ZBTB20: variants seen among roughly 807,000 people sequenced by gnomAD.
The protein encoded by ZBTB20 is zinc finger and BTB domain-containing protein 20.
ZBTB20 carries 9 observed loss-of-function variants against 56.9 expected under a neutral mutation model. The observed-to-expected ratio is 0.16, with a 90% CI of 0.10 to 0.28. ZBTB20 has a LOEUF of 0.28. ZBTB20 is among the 10% of genes least tolerant of loss of function. The probability of loss-of-function intolerance (pLI) is 1.00; values close to 1 mark genes in which losing one functional copy is unlikely to be tolerated. For synonymous variants in ZBTB20, 417 were observed against 420.7 expected (o/e 0.99, Z 0.11); for missense variants, 655 against 1,003.0 (o/e 0.65, Z 4.69).
At chr3:114,669,691 T>C (rs1036002098) in intron 6 of ZBTB20, among the ~76,000 whole-genome samples, 7 of 151,964 alleles carry the variant, frequency 4.6e-5, no homozygotes, top group Non-Finnish European at 1.0e-4. Context: ...AGGACCAGTT[T>C]TTTTTCCTGT....
At chr3:114,407,911 A>G (rs921211031) in intron 7 of ZBTB20, among the ~76,000 whole-genome samples, 3 of 149,158 alleles carry the variant, frequency 2.0e-5, no homozygotes, top group African/African-American at 7.3e-5. Context: ...AACCTATATG[A>G]GGGGGGGGAA....
At chr3:115,088,856 ATTG>A (rs2083085771) in intron 1 of ZBTB20, among the ~76,000 whole-genome samples, 2 of 151,864 alleles carry the variant, frequency 1.3e-5, no homozygotes, top group African/African-American at 4.8e-5. Context: ...ATGCCATGAA[ATTG>A]TTGTGTTTCA....
At chr3:114,691,772 A>G (rs2062711311) in intron 6 of ZBTB20, among the ~76,000 whole-genome samples, 1 of 152,142 alleles carries the variant, frequency 6.6e-6, no homozygotes, top group Admixed American at 6.6e-5. Flanking sequence ...TCAAATGGTT[A>G]TTAATGATTG....
intron 6 of ZBTB20, among the ~76,000 whole-genome samples, chr3:114,583,370 T>G (rs1055872602): frequency 7.9e-5 from 12 of 152,230 alleles, no homozygotes; most frequent in African/African-American, 2.9e-4. Flanking sequence ...AAAAGATCAA[T>G]GGACTTTTTT....
intron 7 of ZBTB20, among the ~76,000 whole-genome samples, chr3:114,469,543 T>C (rs1370739375): frequency 6.6e-6 from 1 of 152,196 alleles, no homozygotes; most frequent in Non-Finnish European, 1.5e-5. Flanking sequence ...GGAGGTGGTA[T>C]TTGGCTATGT....
chr3:114,953,370 T>C (rs1193363307), intron 3 of ZBTB20, among the ~76,000 whole-genome samples: 1 of 150,492 alleles, frequency 6.6e-6, no homozygotes, highest in Non-Finnish European at 1.5e-5. Context: ...AATTCAAATG[T>C]AACAATAATT....
At chr3:114,393,566 A>T (rs1213464160) in intron 7 of ZBTB20, among the ~76,000 whole-genome samples, 2 of 152,110 alleles carry the variant, frequency 1.3e-5, no homozygotes, top group African/African-American at 2.4e-5. Flanking sequence ...ATTAATCAGA[A>T]CCACTGCATG....
chr3:115,120,448 T>C (rs1214960795), intron 1 of ZBTB20, among the ~76,000 whole-genome samples: 1 of 152,030 alleles, frequency 6.6e-6, no homozygotes, highest in Non-Finnish European at 1.5e-5. Flanking sequence ...CACAAGCAAC[T>C]TAAGTAAAAA....
At chr3:114,375,557 C>T (rs1387764392) in intron 10 of ZBTB20, among the ~76,000 whole-genome samples, 1 of 152,152 alleles carries the variant, frequency 6.6e-6, no homozygotes, top group Non-Finnish European at 1.5e-5. Flanking sequence ...AGTAAAATCA[C>T]TCCCCCAGTG....
At chr3:114,403,622 A>G (rs538950879) in intron 7 of ZBTB20, among the ~76,000 whole-genome samples, 1 of 152,106 alleles carries the variant, frequency 6.6e-6, no homozygotes, top group East Asian at 1.9e-4. Context: ...GAGCGTCTCC[A>G]TATTTGTACA....
intron 6 of ZBTB20, among the ~76,000 whole-genome samples, chr3:114,619,077 G>A (rs1314531232): frequency 6.6e-6 from 1 of 152,176 alleles, no homozygotes. Context: ...AATCCTGCCA[G>A]AATGAACTGG....
intron 5 of ZBTB20, among the ~76,000 whole-genome samples, chr3:114,755,582 A>AT (rs879379706): frequency 9.3e-5 from 14 of 150,740 alleles, no homozygotes; most frequent in East Asian, 5.8e-4. Context: ...TTTACATGAA[A>AT]TTTTTTTTTT....
intron 6 of ZBTB20, among the ~76,000 whole-genome samples, chr3:114,578,934 GT>G (rs1193064188): frequency 6.6e-6 from 1 of 151,654 alleles, no homozygotes; most frequent in African/African-American, 2.4e-5. Flanking sequence ...TTTGAATATG[GT>G]TAAAAACAAA....
At chr3:115,129,023 C>T (rs1385758687) in intron 1 of ZBTB20, among the ~76,000 whole-genome samples, 1 of 151,792 alleles carries the variant, frequency 6.6e-6, no homozygotes, top group Non-Finnish European at 1.5e-5. Context: ...GGCGTGAACC[C>T]GGGAGGCAGA....
chr3:114,956,783 C>T (rs2077261911), intron 3 of ZBTB20, among the ~76,000 whole-genome samples: 1 of 152,118 alleles, frequency 6.6e-6, no homozygotes, highest in Non-Finnish European at 1.5e-5. Flanking sequence ...AACGGAGAGG[C>T]CTAATATACC....
At chr3:114,710,755 G>A (rs2064019151) in intron 5 of ZBTB20, among the ~76,000 whole-genome samples, 2 of 152,112 alleles carry the variant, frequency 1.3e-5, no homozygotes, top group African/African-American at 4.8e-5. Context: ...CCCTGACCCT[G>A]TAGACTGTTC....
intron 2 of ZBTB20, among the ~76,000 whole-genome samples, chr3:114,993,237 C>CA (rs1464011770): frequency 1.3e-5 from 2 of 150,776 alleles, no homozygotes; most frequent in African/African-American, 4.9e-5. Flanking sequence ...AAAAGCAGTA[C>CA]AAAAGAAAAT....
At chr3:114,424,548 C>T (rs1365798904) in intron 7 of ZBTB20, among the ~76,000 whole-genome samples, 1 of 152,152 alleles carries the variant, frequency 6.6e-6, no homozygotes, top group Admixed American at 6.5e-5. Flanking sequence ...ATTCTAATGC[C>T]AAAGCTGCCT....
intron 7 of ZBTB20, among the ~76,000 whole-genome samples, chr3:114,484,780 A>C (rs1417526778): frequency 6.7e-6 from 1 of 149,438 alleles, no homozygotes; most frequent in African/African-American, 2.5e-5. Flanking sequence ...TAGGCAGGAG[A>C]AAAGCTCATA....
Sources: gnomAD v4.1 joint callset for allele counts (sites outside exome capture counted in the v4.1 genomes callset) on GRCh38, gnomAD v4.1.1 for gene constraint, MANE v1.5 for transcripts, NCBI Gene and HGNC (gene_info 2026-07-23, HGNC 2026-07-21) for gene names.